CCDC178: variants seen among roughly 807,000 people sequenced by gnomAD.
The protein encoded by CCDC178 is coiled-coil domain containing 178.
CCDC178 carries 126 observed loss-of-function variants against 117.4 expected under a neutral mutation model. The ratio of observed to expected loss-of-function variants is 1.07; its 90% CI spans 0.93 to 1.24. The LOEUF (loss-of-function observed/expected upper bound fraction) is 1.24, where lower values mean the gene tolerates loss of function less well. Ranked by LOEUF, CCDC178 falls within the 50% of genes most tolerant of loss-of-function variation. The pLI is 0.00. For synonymous variants in CCDC178, 283 were observed against 313.4 expected, an observed-to-expected ratio of 0.90 and a Z score of 1.02; for missense variants, 1,030 against 986.9, an observed-to-expected ratio of 1.04 and a Z score of -0.59.
chr18:33,219,669 A>C (rs1362480709), intron 18 of CCDC178, among the ~76,000 whole-genome samples: 2 of 152,132 alleles, frequency 1.3e-5, no homozygotes, highest in African/African-American at 2.4e-5. Flanking sequence ...GCAAACTATC[A>C]CAAGGACAGA....
intron 21 of CCDC178, among the ~76,000 whole-genome samples, chr18:33,045,292 C>T (rs1317444559): frequency 6.6e-6 from 1 of 152,062 alleles, no homozygotes; most frequent in Non-Finnish European, 1.5e-5. Flanking sequence ...GCCTGTAGTG[C>T]TTAATATATG....
chr18:33,324,716 C>A (rs2062561992), intron 10 of CCDC178, among the ~76,000 whole-genome samples: 1 of 139,348 alleles, frequency 7.2e-6, no homozygotes, highest in Non-Finnish European at 1.6e-5. Context: ...AATAAGCCTT[C>A]CTGTCTTAGG....
At chr18:33,069,153 A>C (rs1394919695) in intron 21 of CCDC178, among the ~76,000 whole-genome samples, 1 of 152,122 alleles carries the variant, frequency 6.6e-6, no homozygotes, top group African/African-American at 2.4e-5. Context: ...TCAAAATACC[A>C]ATGACAGTCA....
At chr18:33,371,235 G>A (rs2063294071) in intron 5 of CCDC178, among the ~76,000 whole-genome samples, 1 of 151,780 alleles carries the variant, frequency 6.6e-6, no homozygotes, top group South Asian at 2.1e-4. Flanking sequence ...AAATAAAAGT[G>A]TTCAGTCTAT....
chr18:33,126,997 A>AATAT (rs1555647860), intron 20 of CCDC178, among the ~76,000 whole-genome samples: 17 of 141,184 alleles, frequency 1.2e-4, no homozygotes, highest in African/African-American at 4.1e-4. Flanking sequence ...AAAAAAAAAA[A>AATAT]ATATATATAT....
At chr18:33,197,057 T>C (rs1331304917) in intron 20 of CCDC178, among the ~76,000 whole-genome samples, 1 of 152,188 alleles carries the variant, frequency 6.6e-6, no homozygotes, top group African/African-American at 2.4e-5. Flanking sequence ...AGACAGGGTG[T>C]CACTCTGTTA....
At chr18:33,165,319 A>G (rs1280635541) in intron 20 of CCDC178, among the ~76,000 whole-genome samples, 1 of 152,170 alleles carries the variant, frequency 6.6e-6, no homozygotes, top group Non-Finnish European at 1.5e-5. Context: ...CTATCTCTAA[A>G]CAACAAACCC....
intron 20 of CCDC178, among the ~76,000 whole-genome samples, chr18:33,186,692 G>A (rs912652460): frequency 1.3e-5 from 2 of 151,924 alleles, no homozygotes; most frequent in African/African-American, 4.8e-5. Context: ...GCCTATAAAG[G>A]ATTGCCCAGA....
intron 21 of CCDC178, among the ~76,000 whole-genome samples, chr18:33,015,451 C>T (rs1170237806): frequency 6.7e-6 from 1 of 149,852 alleles, no homozygotes; most frequent in Non-Finnish European, 1.5e-5. Flanking sequence ...TGTAGTCCCA[C>T]CTACTCGGGA....
chr18:33,176,657 T>A (rs1435653810), intron 20 of CCDC178, among the ~76,000 whole-genome samples: 1 of 152,204 alleles, frequency 6.6e-6, no homozygotes, highest in African/African-American at 2.4e-5. Context: ...GCTTTTCTTT[T>A]CCTTCCTATC....
At chr18:33,386,746 C>G (rs551359301) in intron 5 of CCDC178, among the ~76,000 whole-genome samples, 2 of 152,116 alleles carry the variant, frequency 1.3e-5, no homozygotes, top group East Asian at 3.9e-4. Context: ...TATCACAAAC[C>G]CACAGTCAAT....
intron 21 of CCDC178, among the ~76,000 whole-genome samples, chr18:33,077,643 T>A (rs2057232657): frequency 6.6e-6 from 1 of 152,144 alleles, no homozygotes; most frequent in South Asian, 2.1e-4. Context: ...CAGAAACTAC[T>A]ACAAATACCT....
intron 11 of CCDC178, among the ~76,000 whole-genome samples, chr18:33,314,871 C>T (rs907060268): frequency 2.6e-5 from 4 of 152,154 alleles, no homozygotes; most frequent in African/African-American, 9.7e-5. Flanking sequence ...AAAAAAGTCC[C>T]ACTAACCAAG....
At chr18:33,401,295 A>T (rs1303135503) in intron 3 of CCDC178, among the ~76,000 whole-genome samples, 1 of 152,222 alleles carries the variant, frequency 6.6e-6, no homozygotes, top group Non-Finnish European at 1.5e-5. Flanking sequence ...TGCTGGAAAC[A>T]GAGTTGCCAC....
chr18:32,994,608 A>C (rs1489079573), intron 21 of CCDC178, among the ~76,000 whole-genome samples: 1 of 152,230 alleles, frequency 6.6e-6, no homozygotes, highest in South Asian at 2.1e-4. Flanking sequence ...TTTATACAAA[A>C]TTGAACAGAA....
chr18:33,294,101 G>A (rs2062073381), intron 11 of CCDC178, among the ~76,000 whole-genome samples: 1 of 152,018 alleles, frequency 6.6e-6, no homozygotes, highest in Non-Finnish European at 1.5e-5. Context: ...AGAAGTAATA[G>A]TCAAAGAGTT....
At chr18:32,974,907 C>T (rs1327450436) in intron 21 of CCDC178, among the ~76,000 whole-genome samples, 1 of 152,142 alleles carries the variant, frequency 6.6e-6, no homozygotes, top group African/African-American at 2.4e-5. Context: ...TTAATTTTCT[C>T]TAAATGCCTC....
chr18:32,946,723 G>GT (rs34352899), intron 22 of CCDC178, among the ~76,000 whole-genome samples: 121,218 of 137,120 alleles, frequency 0.88, 53,728 homozygotes, highest in Non-Finnish European at 0.92. Context: ...GGTTTTTTGG[G>GT]TTTTTTTTTT....
At chr18:33,135,821 C>T (rs2058119310) in intron 20 of CCDC178, among the ~76,000 whole-genome samples, 1 of 152,122 alleles carries the variant, frequency 6.6e-6, no homozygotes, top group Non-Finnish European at 1.5e-5. Flanking sequence ...CCCCGTGTGA[C>T]AGACTGACTC....
Sources: gnomAD v4.1 joint callset for allele counts (sites outside exome capture counted in the v4.1 genomes callset) on GRCh38, gnomAD v4.1.1 for gene constraint, MANE v1.5 for transcripts, NCBI Gene and HGNC (gene_info 2026-07-23, HGNC 2026-07-21) for gene names.